The following ABLIM1 variants were observed in gnomAD, a reference collection of about 807,000 sequenced individuals.
The protein encoded by ABLIM1 is actin binding LIM protein 1.
Under a neutral mutation model 107.0 loss-of-function variants are expected in ABLIM1, and 40 were observed. The ratio of observed to expected loss-of-function variants is 0.37; its 90% CI spans 0.29 to 0.49. ABLIM1 has a LOEUF of 0.49. ABLIM1 is among the 20% of genes least tolerant of loss of function. ABLIM1 has a pLI of 0.97. For synonymous variants in ABLIM1, 357 were observed against 357.3 expected (o/e 1.00, Z 0.01); for missense variants, 857 against 1,008.5 (o/e 0.85, Z 2.04).
rs529797016 is a variant in ABLIM1, at chr10:114,556,382, G to A, written c.674-8606C>T. On this transcript the variant is annotated intron_variant, in intron 4 of 22. Coordinates refer to ENST00000533213, the MANE Select transcript of ABLIM1 (RefSeq NM_002313.7). ...CACGGGAATCACTGTTTAGAGACAC[G>A]TGGTGACTGCTCACTTTATACGGGA... Among the ~76,000 whole-genome samples, 55 of 152,292 alleles carry A rather than the reference G, an allele frequency of 3.6e-4. No homozygotes were observed. In the Middle Eastern group the frequency reaches 0.017, roughly 47 times the overall value.
chr10:114,714,855 C>T (rs186562189), intron 1 of ABLIM1, among the ~76,000 whole-genome samples: 9 of 152,230 alleles, frequency 5.9e-5, no homozygotes, highest in African/African-American at 1.4e-4. Context: ...TATATCTAGA[C>T]GAGGGATTGT....
intron 2 of ABLIM1, among the ~76,000 whole-genome samples, chr10:114,600,202 C>T (rs752681593): frequency 6.6e-6 from 1 of 152,128 alleles, no homozygotes; most frequent in Non-Finnish European, 1.5e-5. Flanking sequence ...AGCCACACAA[C>T]GTGACAGCCC....
intron 1 of ABLIM1, among the ~76,000 whole-genome samples, chr10:114,638,100 G>A (rs2078570068): frequency 6.6e-6 from 1 of 152,164 alleles, no homozygotes; most frequent in South Asian, 2.1e-4. Context: ...GAGGGAAAGG[G>A]TCACATGTTA....
At chr10:114,529,375 A>G (rs1218813542) in intron 6 of ABLIM1, among the ~76,000 whole-genome samples, 8 of 151,132 alleles carry the variant, frequency 5.3e-5, no homozygotes, top group Admixed American at 5.3e-4. Context: ...GCCTGCCTCA[A>G]CCTCCCAAAG....
At chr10:114,660,114 C>G (rs1410576005), upstream of ABLIM1, among the ~76,000 whole-genome samples, 1 of 152,210 alleles carries the variant, frequency 6.6e-6, no homozygotes, top group Admixed American at 6.5e-5. Context: ...ACTTCTACCA[C>G]TACTGAAGTC....
intron 1 of ABLIM1, among the ~76,000 whole-genome samples, chr10:114,631,674 G>A (rs1258424175): frequency 6.6e-6 from 1 of 151,980 alleles, no homozygotes; most frequent in Non-Finnish European, 1.5e-5. Flanking sequence ...ACACCCCAGA[G>A]CTCAGCTGTG....
At chr10:114,506,419 T>C (rs2061151600) in intron 6 of ABLIM1, among the ~76,000 whole-genome samples, 1 of 152,206 alleles carries the variant, frequency 6.6e-6, no homozygotes, top group Non-Finnish European at 1.5e-5. Flanking sequence ...CTGTTTTAAG[T>C]TCTTTAAGGA....
intron 1 of ABLIM1, among the ~76,000 whole-genome samples, chr10:114,607,450 A>G (rs2076500275): frequency 6.6e-6 from 1 of 152,238 alleles, no homozygotes; most frequent in African/African-American, 2.4e-5. Context: ...TGGGCTGTAC[A>G]TAGTGATCTC....
chr10:114,633,539 C>T (rs1331200620), intron 1 of ABLIM1, among the ~76,000 whole-genome samples: 1 of 152,162 alleles, frequency 6.6e-6, no homozygotes, highest in African/African-American at 2.4e-5. Context: ...GCCCACACCA[C>T]TCCCCGCACC....
chr10:114,452,214 T>C (rs112868331), intron 13 of ABLIM1, among the ~76,000 whole-genome samples: 28 of 152,300 alleles, frequency 1.8e-4, no homozygotes, highest in African/African-American at 6.3e-4. Flanking sequence ...CAAATCCTAA[T>C]TTATACAGGC....
intron 1 of ABLIM1, among the ~76,000 whole-genome samples, chr10:114,665,559 A>C (rs1358330050): frequency 6.6e-6 from 1 of 152,234 alleles, no homozygotes; most frequent in Non-Finnish European, 1.5e-5. Flanking sequence ...CTATTTAGAG[A>C]GATAACATGG....
intron 1 of ABLIM1, among the ~76,000 whole-genome samples, chr10:114,631,151 A>G (rs573478912): frequency 6.6e-6 from 1 of 152,262 alleles, no homozygotes; most frequent in African/African-American, 2.4e-5. Flanking sequence ...GAATCACTCA[A>G]AACAAGCACT....
At chr10:114,569,418 C>T (rs2071315844) in intron 4 of ABLIM1, among the ~76,000 whole-genome samples, 1 of 151,836 alleles carries the variant, frequency 6.6e-6, no homozygotes, top group Non-Finnish European at 1.5e-5. Context: ...CTTCCGGTTT[C>T]AAGGGATTCT....
chr10:114,475,916 A>C (rs546876252), intron 8 of ABLIM1, among the ~76,000 whole-genome samples: 7 of 152,180 alleles, frequency 4.6e-5, no homozygotes, highest in Admixed American at 2.0e-4. Flanking sequence ...CTACAATAGG[A>C]ATAAGACCTT....
intron 1 of ABLIM1, among the ~76,000 whole-genome samples, chr10:114,738,347 G>A (rs2142249121): frequency 6.6e-6 from 1 of 152,304 alleles, no homozygotes; most frequent in Non-Finnish European, 1.5e-5. Context: ...ACTGTGCCCA[G>A]CAGATATGTG....
At chr10:114,775,070 G>A in the ABLIM1 span, among the ~76,000 whole-genome samples, 37 of 152,250 alleles carry the variant, frequency 2.4e-4, 1 homozygote, top group African/African-American at 8.9e-4. Flanking sequence ...AATCATGGAG[G>A]AAGGTGAAGA....
chr10:114,529,935 G>A (rs952952241), intron 6 of ABLIM1, among the ~76,000 whole-genome samples: 4 of 152,186 alleles, frequency 2.6e-5, no homozygotes, highest in African/African-American at 7.2e-5. Context: ...GCTGAGGCAG[G>A]AGAATCCCTT....
chr10:114,796,128 T>C, the ABLIM1 span, among the ~76,000 whole-genome samples: 1 of 152,172 alleles, frequency 6.6e-6, no homozygotes, highest in Admixed American at 6.5e-5. Context: ...TGACTTTGGG[T>C]AAGCTTCAAA....
upstream of ABLIM1, among the ~76,000 whole-genome samples, chr10:114,659,293 G>A (rs115346489): frequency 1.9e-3 from 290 of 151,718 alleles, no homozygotes; most frequent in African/African-American, 6.7e-3. Flanking sequence ...AGGATTGCTT[G>A]AGGCCACTTC....
Sources: gnomAD v4.1 joint callset for allele counts (sites outside exome capture counted in the v4.1 genomes callset) on GRCh38, gnomAD v4.1.1 for gene constraint, MANE v1.5 for transcripts, NCBI Gene and HGNC (gene_info 2026-07-23, HGNC 2026-07-21) for gene names.